The following KHDRBS2 variants were observed in gnomAD, a reference collection of about 807,000 sequenced individuals.
KHDRBS2 encodes the protein KH RNA binding domain containing, signal transduction associated 2, also known as KH domain-containing, RNA-binding, signal transduction-associated protein 2.
Under a neutral mutation model 44.3 loss-of-function variants are expected in KHDRBS2, and 26 were observed. That is an observed-to-expected ratio of 0.59 (90% confidence interval 0.43 to 0.81). The LOEUF (loss-of-function observed/expected upper bound fraction) is 0.81. Ranked by LOEUF, KHDRBS2 falls within the 40% of genes least tolerant of loss-of-function variation. The pLI is 0.00. For synonymous variants in KHDRBS2, 194 were observed against 151.1 expected (o/e 1.28, Z -2.08); for missense variants, 476 against 433.1 (o/e 1.10, Z -0.88).
intron 2 of KHDRBS2, among the ~76,000 whole-genome samples, chr6:62,070,773 T>A (rs1273862546): frequency 6.6e-6 from 1 of 152,236 alleles, no homozygotes; most frequent in Non-Finnish European, 1.5e-5. Context: ...AAGTCTTTGC[T>A]ATTGTGAATA....
the KHDRBS2 span, among the ~76,000 whole-genome samples, chr6:61,665,858 T>C: frequency 1.3e-5 from 2 of 150,946 alleles, no homozygotes; most frequent in Admixed American, 6.6e-5. Context: ...TAATAGATGG[T>C]GCTTAGTTCT....
At chr6:61,913,549 T>G (rs1465301270) in intron 4 of KHDRBS2, among the ~76,000 whole-genome samples, 1 of 151,676 alleles carries the variant, frequency 6.6e-6, no homozygotes, top group East Asian at 1.9e-4. Flanking sequence ...TATGCTTGCT[T>G]ATTTATATAT....
At chr6:61,974,305 C>T in intron 4 of KHDRBS2, among the ~76,000 whole-genome samples, 1 of 152,026 alleles carries the variant, frequency 6.6e-6, no homozygotes, top group East Asian at 1.9e-4. Flanking sequence ...ACACAACTCT[C>T]ACAACCATAT....
chr6:61,678,742 T>A (rs967101634), downstream of KHDRBS2: 4 of 151,944 alleles, frequency 2.6e-5, no homozygotes, highest in African/African-American at 4.8e-5. Context: ...AAAAAATACT[T>A]CAATTTCTTG....
chr6:62,000,651 G>A (rs1778065647), intron 3 of KHDRBS2, among the ~76,000 whole-genome samples: 2 of 152,078 alleles, frequency 1.3e-5, no homozygotes. Context: ...AGATGCCGGA[G>A]GTTTCAGCTC....
chr6:62,247,083 GA>G (rs1463207565), intron 1 of KHDRBS2, among the ~76,000 whole-genome samples: 6 of 151,854 alleles, frequency 4.0e-5, no homozygotes, highest in African/African-American at 1.2e-4. Context: ...AAAGTATAGA[GA>G]AATAGTAACT....
chr6:62,133,218 T>C (rs1418662370), intron 2 of KHDRBS2, among the ~76,000 whole-genome samples: 1 of 152,158 alleles, frequency 6.6e-6, no homozygotes, highest in Non-Finnish European at 1.5e-5. Context: ...CCAAATCTCA[T>C]CTTGAATTGT....
intron 1 of KHDRBS2, among the ~76,000 whole-genome samples, chr6:62,212,529 A>C (rs1222710266): frequency 6.6e-6 from 1 of 152,132 alleles, no homozygotes; most frequent in Non-Finnish European, 1.5e-5. Flanking sequence ...AGTTGTAGTT[A>C]GTAAAGTTAA....
At chr6:61,616,227 C>T in the KHDRBS2 span, among the ~76,000 whole-genome samples, 6 of 152,180 alleles carry the variant, frequency 3.9e-5, no homozygotes, top group South Asian at 1.2e-3. Context: ...TGTAACCAAA[C>T]TTCCTATTTC....
At chr6:62,087,250 A>G (rs1417538187) in intron 2 of KHDRBS2, among the ~76,000 whole-genome samples, 1 of 152,118 alleles carries the variant, frequency 6.6e-6, no homozygotes, top group East Asian at 1.9e-4. Flanking sequence ...GTCATAAAAT[A>G]CAAGAAAACT....
chr6:61,909,070 A>ATT (rs201610192), intron 4 of KHDRBS2, among the ~76,000 whole-genome samples: 9,857 of 145,366 alleles, frequency 0.068, 379 homozygotes, highest in Middle Eastern at 0.13. Context: ...TCATATATAG[A>ATT]TTTTTTTTTT....
chr6:62,080,701 T>G (rs1396004561), intron 2 of KHDRBS2, among the ~76,000 whole-genome samples: 1 of 152,168 alleles, frequency 6.6e-6, no homozygotes, highest in South Asian at 2.1e-4. Flanking sequence ...CTCTGTGTCC[T>G]GAGCTTCTCT....
chr6:62,060,842 G>A (rs182403555), intron 2 of KHDRBS2, among the ~76,000 whole-genome samples: 1 of 151,876 alleles, frequency 6.6e-6, no homozygotes, highest in African/African-American at 2.4e-5. Flanking sequence ...TTTCAAATCT[G>A]TTGATTAGAT....
At chr6:62,120,622 T>C (rs1807385916) in intron 2 of KHDRBS2, among the ~76,000 whole-genome samples, 2 of 152,314 alleles carry the variant, frequency 1.3e-5, no homozygotes, top group South Asian at 4.1e-4. Context: ...ATTGGCTAAT[T>C]AATCATGGTA....
At chr6:61,691,802 T>C (rs1767414142) in intron 8 of KHDRBS2, among the ~76,000 whole-genome samples, 1 of 152,134 alleles carries the variant, frequency 6.6e-6, no homozygotes, top group Admixed American at 6.6e-5. Context: ...AAAATAATCA[T>C]TCCAGCTCCT....
At chr6:62,115,364 T>A (rs1408352672) in intron 2 of KHDRBS2, among the ~76,000 whole-genome samples, 2 of 152,174 alleles carry the variant, frequency 1.3e-5, no homozygotes, top group Admixed American at 6.6e-5. Flanking sequence ...CATAGGCTGC[T>A]GGATGTGTGT....
In KHDRBS2 at chr6:61,951,903, A is replaced by ATT. The variant is rs5876765; in HGVS notation, c.483+26161_483+26162dup. 4.0e-5 allele frequency among the ~76,000 whole-genome samples: 6 copies of ATT among 151,690 alleles called. No homozygotes were observed. In the East Asian group the frequency reaches 7.8e-4, roughly 20 times the overall value. ...ACATTAGAGAGGTTCTGTAGTTACA[A>ATT]TTTTTTCAGTTTAAATTCAGTTAAA... is the stretch of plus-strand genomic sequence containing the variant. On this transcript the variant is annotated intron_variant, in intron 4 of 8. Coordinates refer to ENST00000281156, the MANE Select transcript of KHDRBS2 (RefSeq NM_152688.4).
chr6:61,546,890 T>C, the KHDRBS2 span, among the ~76,000 whole-genome samples: 17 of 152,096 alleles, frequency 1.1e-4, no homozygotes, highest in Non-Finnish European at 8.8e-5. Flanking sequence ...TTTGTATTCA[T>C]TCATTCATCC....
chr6:61,766,586 G>A (rs1780043676), intron 6 of KHDRBS2, among the ~76,000 whole-genome samples: 1 of 151,852 alleles, frequency 6.6e-6, no homozygotes, highest in Non-Finnish European at 1.5e-5. Flanking sequence ...CTTTTTTGAT[G>A]TAGGCATATA....
Sources: allele counts gnomAD v4.1 joint callset (sites outside exome capture counted in the v4.1 genomes callset), GRCh38; gene constraint gnomAD v4.1.1; transcripts MANE v1.5; gene names NCBI Gene and HGNC (gene_info 2026-07-23, HGNC 2026-07-21).